Variants in NAV2 observed in about 807,000 individuals in gnomAD.
NAV2 encodes helicase, APC down-regulated 1.
A neutral mutation model predicts 223.2 loss-of-function variants in NAV2; 54 were observed. The observed-to-expected ratio is 0.24, with a 90% CI of 0.19 to 0.30. The LOEUF (loss-of-function observed/expected upper bound fraction) is 0.30, where lower values mean the gene tolerates loss of function less well. NAV2 is among the 10% of genes least tolerant of loss of function. The pLI, the probability that NAV2 is intolerant of heterozygous loss-of-function variation, is 1.00. For missense variants in NAV2, 2,806 were observed against 3,147.5 expected, an observed-to-expected ratio of 0.89 and a Z score of 2.60; for synonymous variants, 1,279 against 1,239.3, an observed-to-expected ratio of 1.03 and a Z score of -0.67.
Position 20,035,974 on chromosome 11 carries a change from C to T in NAV2, c.2784C>T (p.Ser928=). 6.2e-7 allele frequency: 1 copy of T among 1,614,152 alleles called. No individual in the cohort carries two copies. The highest frequency in any genetic ancestry group is 8.5e-7 in the Non-Finnish European group (1 of 1,180,012). The change falls in exon 12 of 38, where the codon AGC becomes AGT. Residue 928 remains serine (S), a synonymous_variant. Transcript: ENST00000349880. ...GTCTTGGCAGCTGGGACGACAGCAG[C>T]TCCGTCAGCAGCGGCATCAGCGACA... ...LGDADSWDDS[S]SVSSGISDTI...
At chr11:19,925,747 C>CAAA in intron 6 of NAV2, among the ~76,000 whole-genome samples, 1 of 95,798 alleles carries the variant, frequency 1.0e-5, no homozygotes, top group East Asian at 3.1e-4. Context: ...GATTCTGTCT[C>CAAA]AAAAAAAAAA....
intron 1 of NAV2, among the ~76,000 whole-genome samples, chr11:19,800,128 A>C (rs1050092103): frequency 2.0e-5 from 3 of 152,018 alleles, no homozygotes; most frequent in Non-Finnish European, 2.9e-5. Flanking sequence ...GCTTCTCCCA[A>C]CCTCTTCTAT....
At chr11:19,895,068 A>T (rs1395322147) in intron 6 of NAV2, among the ~76,000 whole-genome samples, 2 of 146,928 alleles carry the variant, frequency 1.4e-5, no homozygotes, top group Non-Finnish European at 3.0e-5. Context: ...TATGCCAGGA[A>T]CTTTGATTTT....
chr11:19,915,711 C>G lies in NAV2; in HGVS notation c.932-17465C>G, dbSNP rs371851052. 1.9e-3 allele frequency among the ~76,000 whole-genome samples: 294 copies of G among 152,298 alleles called. 8 individuals are homozygous for G. The South Asian group carries it at 0.056, about 29-fold the overall frequency. On this transcript the variant is annotated intron_variant, in intron 6 of 37. Coordinates refer to ENST00000349880, the MANE Select transcript of NAV2 (RefSeq NM_145117.5). The stretch of plus-strand genomic sequence containing the variant: ...TCTCTGAGTTCTCCTGCACCCTATT[C>G]TCCTCTCTAGTTGTCCTCCCCAGGT...
chr11:19,538,019 G>T (rs1288673808), intron 1 of NAV2, among the ~76,000 whole-genome samples: 2 of 152,194 alleles, frequency 1.3e-5, no homozygotes, highest in Non-Finnish European at 2.9e-5. Context: ...GGAGAGTCCA[G>T]AACTCAGACC....
chr11:19,670,190 A>G (rs1019112674), intron 1 of NAV2, among the ~76,000 whole-genome samples: 1 of 152,030 alleles, frequency 6.6e-6, no homozygotes, highest in Non-Finnish European at 1.5e-5. Context: ...ACTCCTTGCC[A>G]CTCACAGCAG....
chr11:20,013,954 TA>T (rs2153516841), intron 11 of NAV2, among the ~76,000 whole-genome samples: 1 of 152,354 alleles, frequency 6.6e-6, no homozygotes, highest in South Asian at 2.1e-4. Context: ...GTGACAGATG[TA>T]GGGGCTCAGC....
intron 1 of NAV2, among the ~76,000 whole-genome samples, chr11:19,463,834 G>A (rs888406638): frequency 3.9e-5 from 6 of 152,048 alleles, no homozygotes; most frequent in South Asian, 4.1e-4. Flanking sequence ...GGGCTGGGGA[G>A]AGCTGACACA....
In NAV2 at chr11:20,118,128, C is replaced by G. The variant is rs779866305; in HGVS notation, c.7165-5C>G. The G allele has an allele frequency of 6.2e-7, 1 of 1,613,750 alleles. No individual in the cohort carries two copies. The highest frequency in any genetic ancestry group is 1.1e-5 in the South Asian group (1 of 91,070). ...GCAGCTCATGCTTCTCCACTCTTCC[C>G]CTAGATGAACATGCTGATGAGGCTG... On this transcript the variant is annotated splice_region_variant and splice_polypyrimidine_tract_variant and intron_variant, in intron 37 of 37. Coordinates refer to ENST00000349880, the MANE Select transcript of NAV2 (RefSeq NM_145117.5).
At chr11:20,042,290 G>A (rs2056996603) in intron 12 of NAV2, among the ~76,000 whole-genome samples, 1 of 152,158 alleles carries the variant, frequency 6.6e-6, no homozygotes, top group Non-Finnish European at 1.5e-5. Flanking sequence ...AGATAATTTT[G>A]CTAATGTCTG....
intron 1 of NAV2, among the ~76,000 whole-genome samples, chr11:19,823,394 G>A (rs11025275): frequency 0.28 from 42,701 of 152,038 alleles, 6,405 homozygotes; most frequent in East Asian, 0.34. Flanking sequence ...TTTTAGTAGA[G>A]AAGGGGTTTC....
At chr11:19,617,457 C>T (rs1467845037) in intron 1 of NAV2, among the ~76,000 whole-genome samples, 2 of 152,160 alleles carry the variant, frequency 1.3e-5, no homozygotes, top group African/African-American at 4.8e-5. Flanking sequence ...AGGCTGCTTG[C>T]TGCTCTGCTT....
Position 19,634,924 on chromosome 11 carries a change from C to T in NAV2, c.76-197560C>T, listed in dbSNP as rs115467308. Among the ~76,000 whole-genome samples the T allele has an allele frequency of 1.8e-3, 280 of 152,262 alleles. 1 individual carries two copies. Among genetic ancestry groups the T allele is most frequent in the African/African-American group, 6.5e-3 (271 of 41,556 alleles). On this transcript the variant is annotated intron_variant, in intron 1 of 37. Coordinates refer to the NAV2 transcript ENST00000360655. ...GAAGAGATAGTATAGCTTGCAAAGACCTATTGGTTTCAAGAACATGCCCAT... is the reference window on the plus strand; with the variant it reads ...GAAGAGATAGTATAGCTTGCAAAGATCTATTGGTTTCAAGAACATGCCCAT...
intron 2 of NAV2, among the ~76,000 whole-genome samples, chr11:19,836,085 A>C (rs1017110295): frequency 1.3e-5 from 2 of 152,134 alleles, no homozygotes; most frequent in Non-Finnish European, 2.9e-5. Flanking sequence ...AGGATTAGGG[A>C]TAAGAATTTT....
chr11:19,469,838 G>C lies in NAV2; in HGVS notation c.75+118811G>C, dbSNP rs186737227. 2.2e-3 allele frequency among the ~76,000 whole-genome samples: 335 copies of C among 152,204 alleles called. 6 individuals carry two copies. The South Asian group carries it at 0.034, about 15-fold the overall frequency. The stretch of plus-strand genomic sequence containing the variant: ...TGAATTTTCTCACCTAGGCAGCTTC[G>C]GCTGGCAAGCAAAGCCCCACAAGAA... On this transcript the variant is annotated intron_variant, in intron 1 of 37. Coordinates refer to the NAV2 transcript ENST00000360655.
intron 11 of NAV2, among the ~76,000 whole-genome samples, chr11:20,005,447 T>C (rs537672797): frequency 2.0e-4 from 31 of 151,896 alleles, no homozygotes; most frequent in African/African-American, 7.5e-4. Context: ...GGTTTCACCT[T>C]GTTAGCCAAG....
chr11:19,802,521 TA>T (rs1473919034), intron 1 of NAV2, among the ~76,000 whole-genome samples: 2 of 152,172 alleles, frequency 1.3e-5, no homozygotes, highest in Non-Finnish European at 2.9e-5. Flanking sequence ...TCCATGCTCT[TA>T]ATTTTGGTTT....
In NAV2 at chr11:20,051,289, T is replaced by C; in HGVS notation, c.4437T>C (p.Ser1479=). 1.2e-6 allele frequency: 2 copies of C among 1,613,998 alleles called. No homozygotes were observed. The highest frequency in any genetic ancestry group is 8.5e-7 in the Non-Finnish European group (1 of 1,179,846). ...TATTTTTGTTTTAACTTTCCTACAG[T>C]GACCCGCACCTTGATAGGAACACTT... ...CRSTLPRKQD[S]DPHLDRNTLP... The change falls in exon 17 of 38, where the codon AGT becomes AGC. Residue 1479 remains serine (S), a splice_region_variant and synonymous_variant. Coordinates refer to ENST00000349880, the MANE Select transcript of NAV2 (RefSeq NM_145117.5).
intron 1 of NAV2, among the ~76,000 whole-genome samples, chr11:19,462,544 CCTCT>C (rs1171779584): frequency 6.6e-6 from 1 of 152,160 alleles, no homozygotes; most frequent in African/African-American, 2.4e-5. Flanking sequence ...AGCAATAATT[CCTCT>C]CTCTATGTTT....
Sources: gnomAD v4.1 joint callset for allele counts (sites outside exome capture counted in the v4.1 genomes callset) on GRCh38, gnomAD v4.1.1 for gene constraint, MANE v1.5 for transcripts, NCBI Gene and HGNC (gene_info 2026-07-23, HGNC 2026-07-21) for gene names.